Variants in CWC27 observed in about 807,000 individuals in gnomAD.
The protein encoded by CWC27 is spliceosome-associated protein CWC27 homolog.
CWC27 carries 47 observed loss-of-function variants against 63.6 expected under a neutral mutation model. That is an observed-to-expected ratio of 0.74 (90% CI 0.58 to 0.94). The LOEUF (loss-of-function observed/expected upper bound fraction) is 0.94, where lower values mean the gene tolerates loss of function less well. CWC27 is among the 40% of genes least tolerant of loss of function. The pLI is 0.00. For synonymous variants in CWC27, 175 were observed against 179.8 expected (o/e 0.97, Z 0.22); for missense variants, 495 against 554.3 (o/e 0.89, Z 1.07).
rs746570217 is a variant in CWC27 at position 64,800,345 on chromosome 5, A to G, written c.749+18A>G. On this transcript the variant is annotated intron_variant, in intron 8 of 13. Transcript: ENST00000381070. ...GTAGAAAGGTTAGTCCATTGTTGGT[A>G]TGATCCTAAGTTCTTAATTTTCTGG... The G allele has an allele frequency of 2.1e-5, 32 of 1,547,798 alleles. No individual in the cohort carries two copies. The highest frequency in any genetic ancestry group is 2.7e-5 in the Non-Finnish European group (30 of 1,123,714).
intron 1 of CWC27, 48 bp downstream of exon 1, chr5:64,769,236 A>G: frequency 6.4e-7 from 1 of 1,573,562 alleles, no homozygotes. Context: ...CCCCAAAGTG[A>G]GATTTCCCGG....
chr5:64,941,278 A>G (rs567890547), intron 11 of CWC27, among the ~76,000 whole-genome samples: 6 of 152,162 alleles, frequency 3.9e-5, no homozygotes, highest in Admixed American at 1.3e-4. Context: ...AGATTGCTCA[A>G]TCCTATTGCT....
At chr5:64,866,367 G>GA (rs1049500692) in intron 10 of CWC27, among the ~76,000 whole-genome samples, 16 of 151,888 alleles carry the variant, frequency 1.1e-4, no homozygotes, top group African/African-American at 3.9e-4. Flanking sequence ...TACCTAGCAG[G>GA]AAAAAAATAC....
chr5:64,881,606 T>A lies in CWC27; in HGVS notation c.939-3837T>A, dbSNP rs534395410. ...TACATAACTTACCCCTAATTTATAG[T>A]TGAATAAACTGAGTCTCAGAGAAGT... is the stretch of plus-strand genomic sequence containing the variant. On this transcript the variant is annotated intron_variant, in intron 10 of 13. Coordinates refer to ENST00000381070, the MANE Select transcript of CWC27 (RefSeq NM_005869.4). Among the ~76,000 whole-genome samples, 450 of 152,260 alleles carry A rather than the reference T, an allele frequency of 3.0e-3. 3 individuals carry two copies. The highest frequency in any genetic ancestry group is 0.01 in the African/African-American group (426 of 41,570).
chr5:64,862,747 A>C (rs1031441365), intron 10 of CWC27, among the ~76,000 whole-genome samples: 12 of 152,258 alleles, frequency 7.9e-5, no homozygotes, highest in African/African-American at 2.9e-4. Context: ...ACTTTAACAA[A>C]ATACCATCAA....
At chr5:64,796,161 A>C (rs1028651633) in intron 7 of CWC27, among the ~76,000 whole-genome samples, 5 of 151,938 alleles carry the variant, frequency 3.3e-5, no homozygotes, top group African/African-American at 1.2e-4. Context: ...TTTTTAACTA[A>C]TAAGTTTTTC....
intron 13 of CWC27, among the ~76,000 whole-genome samples, chr5:64,980,656 CTCTTTCTCTTCT>C (rs1749317039): frequency 6.6e-6 from 1 of 152,116 alleles, no homozygotes; most frequent in Admixed American, 6.6e-5. Flanking sequence ...TGCCTTCTTC[CTCTTTCTCTTCT>C]TCTTTCTCTC....
intron 10 of CWC27, among the ~76,000 whole-genome samples, chr5:64,821,177 A>G (rs2112246498): frequency 6.8e-6 from 1 of 146,688 alleles, no homozygotes; most frequent in East Asian, 2.0e-4. Context: ...CTCCAACTCC[A>G]TGGTTCAAGT....
intron 13 of CWC27, among the ~76,000 whole-genome samples, chr5:64,978,042 T>C (rs1200590802): frequency 6.6e-6 from 1 of 152,106 alleles, no homozygotes. Flanking sequence ...CCCAGAATCA[T>C]AGCCTCGGTT....
At position 64,958,226 on chromosome 5, in the gene CWC27, A is replaced by G. The variant is rs1181192543; in HGVS notation, c.1043-13477A>G. Among the ~76,000 whole-genome samples the G allele has an allele frequency of 2.0e-5, 3 of 152,174 alleles. No homozygotes were observed. In the East Asian group the frequency reaches 5.8e-4, roughly 29 times the overall value. The stretch of plus-strand genomic sequence containing the variant: ...AAATGTCACACTATGCTGTAAATGT[A>G]TATAACCCCAATGTGATTACTAGTT... On this transcript the variant is annotated intron_variant, in intron 11 of 13. Coordinates refer to ENST00000381070, the MANE Select transcript of CWC27 (RefSeq NM_005869.4).
intron 11 of CWC27, among the ~76,000 whole-genome samples, chr5:64,888,998 C>T (rs1233953137): frequency 1.3e-5 from 2 of 152,130 alleles, no homozygotes; most frequent in Non-Finnish European, 2.9e-5. Flanking sequence ...AGGAATACTA[C>T]TTCTGTGGTA....
At chr5:64,806,974 T>G (rs1265427673) in intron 10 of CWC27, among the ~76,000 whole-genome samples, 2 of 152,126 alleles carry the variant, frequency 1.3e-5, no homozygotes, top group Non-Finnish European at 2.9e-5. Flanking sequence ...TACAACGTGG[T>G]AAAAGGGATA....
At chr5:64,993,586 G>A (rs1749579147) in intron 13 of CWC27, among the ~76,000 whole-genome samples, 1 of 151,952 alleles carries the variant, frequency 6.6e-6, no homozygotes, top group Non-Finnish European at 1.5e-5. Context: ...GAAAGAGGAG[G>A]AGAGTGGACA....
At position 64,781,928 on chromosome 5, in the gene CWC27, TG is replaced by T; in HGVS notation, c.148del (p.Asp50ThrfsTer13). ...FIQLCLEAYY[D>X]NTIFHRVVPG... is the part of the protein sequence containing the mutation. ...TTTTTATTTTTTTTTCAGCTTATTATGACAATACCATTTTTCATAGAGTTGT... is the reference window on the plus strand; with the variant it reads ...TTTTTATTTTTTTTTCAGCTTATTATACAATACCATTTTTCATAGAGTTGT... On this transcript the variant is annotated frameshift_variant, in exon 3 of 14. Coordinates refer to ENST00000381070, the MANE Select transcript of CWC27 (RefSeq NM_005869.4). LOFTEE classifies it high-confidence loss of function. 6.4e-7 allele frequency: 1 copy of T among 1,550,888 alleles called. No homozygotes were observed.
intron 10 of CWC27, among the ~76,000 whole-genome samples, chr5:64,856,452 GTGTATGTGTGTGTGTA>G (rs1404682024): frequency 7.4e-6 from 1 of 135,216 alleles, no homozygotes; most frequent in Non-Finnish European, 1.6e-5. Flanking sequence ...AAGAAACTTA[GTGTATGTGTGTGTGTA>G]TGTGTGTGTG....
chr5:64,948,807 ACT>A (rs1323230575), intron 11 of CWC27, among the ~76,000 whole-genome samples: 1 of 151,798 alleles, frequency 6.6e-6, no homozygotes, highest in Non-Finnish European at 1.5e-5. Flanking sequence ...TCATCAAGAG[ACT>A]CTTCCTCATT....
At chr5:64,949,557 C>T (rs1407939936) in intron 11 of CWC27, among the ~76,000 whole-genome samples, 6 of 152,022 alleles carry the variant, frequency 3.9e-5, no homozygotes, top group African/African-American at 1.2e-4. Flanking sequence ...CAATCCCCTT[C>T]ATAAAGTTCT....
At chr5:64,882,751 G>A (rs921754240) in intron 10 of CWC27, among the ~76,000 whole-genome samples, 4 of 151,986 alleles carry the variant, frequency 2.6e-5, no homozygotes, top group Admixed American at 6.5e-5. Context: ...CCGCCACCCC[G>A]CCTGGCCAAT....
At chr5:65,017,393 G>T (rs1295416262) in intron 13 of CWC27, among the ~76,000 whole-genome samples, 1 of 152,118 alleles carries the variant, frequency 6.6e-6, no homozygotes, top group Non-Finnish European at 1.5e-5. Flanking sequence ...GGACTTCCCT[G>T]TTTATTCCTG....
Sources: gnomAD v4.1 joint callset for allele counts (sites outside exome capture counted in the v4.1 genomes callset) on GRCh38, gnomAD v4.1.1 for gene constraint, MANE v1.5 for transcripts, NCBI Gene and HGNC (gene_info 2026-07-23, HGNC 2026-07-21) for gene names.